Variants in PHLDB3 observed in about 807,000 individuals in gnomAD.
PHLDB3 encodes pleckstrin homology-like domain family B member 3.
PHLDB3 carries 86 observed loss-of-function variants against 85.7 expected under a neutral mutation model. That is an observed-to-expected ratio of 1.00 (90% CI 0.84 to 1.20). The LOEUF (loss-of-function observed/expected upper bound fraction) is 1.20, where lower values mean the gene tolerates loss of function less well. Ranked by LOEUF, PHLDB3 falls within the 50% of genes most tolerant of loss-of-function variation. The pLI, the probability that PHLDB3 is intolerant of heterozygous loss-of-function variation, is 0.00. For missense variants in PHLDB3, 995 were observed against 873.0 expected (o/e 1.14, Z -1.76); for synonymous variants, 376 against 349.8 (o/e 1.07, Z -0.83).
chr19:43,475,277 G>T lies in PHLDB3; in HGVS notation c.*133C>A. 7.9e-7 allele frequency: 1 copy of T among 1,269,972 alleles called. No individual in the cohort carries two copies. The highest frequency in any genetic ancestry group is 1.1e-6 in the Non-Finnish European group (1 of 937,070). 78.7% of individuals were successfully genotyped at this position (1,269,972 alleles called of 1,614,324 possible). The stretch of plus-strand genomic sequence containing the variant: ...CAGCTCAGGCCAGCTGAACTGCCGC[G>T]CCTGCGGAATTCCCGGGAGAGTTCC... On this transcript the variant is annotated 3_prime_UTR_variant, in exon 16 of 16. Coordinates refer to ENST00000292140, the MANE Select transcript of PHLDB3 (RefSeq NM_198850.4).
At position 43,494,753 on chromosome 19, in the gene PHLDB3, G is replaced by T. The variant is rs750885134; in HGVS notation, c.1098C>A (p.Ser366=). ...GGCAGGAAGAAGTAGGGGTGGCAGC[G>T]GAGTGGGCCACGGCATCCTGGAGCA... The part of the protein sequence containing the change: ...LLVLQDAVAH[S]AATPTSSCLF... The change falls in exon 9 of 16, where the codon TCC becomes TCA. Residue 366 remains serine, a synonymous_variant. Coordinates refer to ENST00000292140, the MANE Select transcript of PHLDB3 (RefSeq NM_198850.4). 3 of 1,613,332 alleles carry T rather than the reference G, an allele frequency of 1.9e-6. No homozygotes were observed. Among genetic ancestry groups the T allele is most frequent in the Non-Finnish European group, 2.5e-6 (3 of 1,179,802 alleles).
At chr19:43,483,012 G>T (rs1347147895) in intron 13 of PHLDB3, among the ~76,000 whole-genome samples, 1 of 152,154 alleles carries the variant, frequency 6.6e-6, no homozygotes, top group East Asian at 1.9e-4. Context: ...TCCCCCAAAG[G>T]TGGGGATTGT....
In PHLDB3 at chr19:43,503,930, G is replaced by T; in HGVS notation, c.189C>A (p.Ser63Arg). 1.2e-6 allele frequency: 2 copies of T among 1,613,872 alleles called. No individual in the cohort carries two copies. The highest frequency in any genetic ancestry group is 1.7e-6 in the Non-Finnish European group (2 of 1,179,798). Residue 63 changes from serine (S) to arginine (R), a missense_variant, in exon 2 of 16, where the codon AGC becomes AGA. Transcript: ENST00000292140. ...QAEEEEVGEGSSTESSRDAPE... is the reference protein window; with the variant it reads ...QAEEEEVGEGRSTESSRDAPE... Reference sequence around the variant, plus strand: ...CCGCGTCGCGGCTGCTCTCAGTGCTGCTGCCTTCTCCCACTTCTTCTTCCT... The same window carrying T: ...CCGCGTCGCGGCTGCTCTCAGTGCTTCTGCCTTCTCCCACTTCTTCTTCCT...
In PHLDB3 at chr19:43,475,418, C is replaced by G. The variant is rs764667252; in HGVS notation, c.1915G>C (p.Ala639Pro). ...VIVTAADENH[A>P]P ...CAAGAGGGCGGGGCCACTCAGGGGGCGTGGTTTTCGTCAGCGGCGGTCACG... is the reference window on the plus strand; with the variant it reads ...CAAGAGGGCGGGGCCACTCAGGGGGGGTGGTTTTCGTCAGCGGCGGTCACG... Residue 639 changes from alanine to proline, a missense_variant, in exon 16 of 16, where the codon GCC (alanine) becomes CCC (proline). Physicochemically the swap from Ala to Pro is conservative, Grantham distance 27. Transcript: ENST00000292140. 2 of 1,613,828 alleles carry G rather than the reference C, an allele frequency of 1.2e-6. No individual in the cohort carries two copies. The highest frequency in any genetic ancestry group is 3.3e-5 in the Admixed American group (2 of 60,006).
chr19:43,487,027 T>A lies in PHLDB3; in HGVS notation c.1246A>T (p.Thr416Ser), dbSNP rs756523977. ...TGGGGAACAGGGGGATCCTCACCAGTACAATGGAAGGACAGAGGTCGGGGG... is the reference window on the plus strand; with the variant it reads ...TGGGGAACAGGGGGATCCTCACCAGAACAATGGAAGGACAGAGGTCGGGGG... Reference protein sequence around the residue: ...GSPRPLSFHCTESLEASALPP... With the variant: ...GSPRPLSFHCSESLEASALPP... Residue 416 changes from threonine to serine, a missense_variant, in exon 10 of 16, where the codon ACT becomes TCT. Physicochemically the swap from Thr to Ser is moderately conservative, Grantham distance 58. Coordinates refer to ENST00000292140, the MANE Select transcript of PHLDB3 (RefSeq NM_198850.4). 55 of 1,563,778 alleles carry A rather than the reference T, an allele frequency of 3.5e-5. No individual in the cohort carries two copies. In the Admixed American group the frequency reaches 1.1e-3, roughly 31 times the overall value.
Position 43,497,837 on chromosome 19 carries a change from C to T in PHLDB3, c.574G>A (p.Gly192Ser). The change falls in exon 5 of 16, where the codon GGT (glycine) becomes AGT (serine). Residue 192 changes from glycine (G) to serine (S), a missense_variant. Gly to Ser is a moderately conservative substitution (Grantham distance 56, BLOSUM62 0). Coordinates refer to ENST00000292140, the MANE Select transcript of PHLDB3 (RefSeq NM_198850.4). ...RLSQERDRLE[G>S]LRQRLRKAQG... ...GCCTTGCGGAGTCTCTGGCGAAGAC[C>T]CTCTAGGCGATCCCGTTCCTGGCTC... The T allele has an allele frequency of 6.3e-7, 1 of 1,576,446 alleles. No individual in the cohort carries two copies. The highest frequency in any genetic ancestry group is 8.6e-7 in the Non-Finnish European group (1 of 1,161,570).
At chr19:43,487,592 A>AC in intron 9 of PHLDB3, among the ~76,000 whole-genome samples, 1 of 129,432 alleles carries the variant, frequency 7.7e-6, no homozygotes, top group Admixed American at 7.5e-5. Context: ...AAAAAAAAAA[A>AC]CACAGAAAAG....
Position 43,486,734 on chromosome 19 carries a change from G to A in PHLDB3, c.1341-38C>T, listed in dbSNP as rs370893466. ...AACACAGACGGGGTGGGTTACAGTG[G>A]CTGGGCCTCTTCTTCCATCTCCCCA... On this transcript the variant is annotated intron_variant, in intron 11 of 15. Transcript: ENST00000292140. 14 of 1,612,594 alleles carry A rather than the reference G, an allele frequency of 8.7e-6. No individual in the cohort carries two copies. The East Asian group carries it at 2.9e-4, about 33-fold the overall frequency.
At chr19:43,488,802 CA>C (rs775315269) in intron 9 of PHLDB3, among the ~76,000 whole-genome samples, 11 of 149,684 alleles carry the variant, frequency 7.3e-5, no homozygotes, top group Admixed American at 2.7e-4. Context: ...CTCCATAGAC[CA>C]TTTTTTTTTT....
At chr19:43,494,097 A>C (rs1336366925) in intron 9 of PHLDB3, among the ~76,000 whole-genome samples, 1 of 152,176 alleles carries the variant, frequency 6.6e-6, no homozygotes, top group Non-Finnish European at 1.5e-5. Context: ...CAGTGGCATA[A>C]TCTCGGCTCA....
At chr19:43,481,802 AAAAAGAAAG>A (rs1271561005) in intron 13 of PHLDB3, among the ~76,000 whole-genome samples, 5 of 151,732 alleles carry the variant, frequency 3.3e-5, no homozygotes, top group East Asian at 1.9e-4. Flanking sequence ...TCAAAAAAAA[AAAAAGAAAG>A]AAAAGAAAGA....
At chr19:43,499,966 G>A (rs1971549330) in intron 4 of PHLDB3, among the ~76,000 whole-genome samples, 1 of 152,046 alleles carries the variant, frequency 6.6e-6, no homozygotes, top group African/African-American at 2.4e-5. Context: ...GCCTCGAACT[G>A]CGGTGGCTCA....
rs1030023178 is a variant in PHLDB3 at position 43,502,362 on chromosome 19, A to C, written c.214-79T>G. On this transcript the variant is annotated intron_variant, in intron 2 of 15. Coordinates refer to ENST00000292140, the MANE Select transcript of PHLDB3 (RefSeq NM_198850.4). ...TAAGTAGGTCTGGTCCCCACCCAAC[A>C]TCACCCTCTGCGGGTCTCAGTCCAT... The C allele has an allele frequency of 3.6e-6, 5 of 1,392,130 alleles. No homozygotes were observed. In the African/African-American group the frequency reaches 7.1e-5, roughly 20 times the overall value. The allele number at this position is 1,392,130 out of a possible 1,614,324, so 86.2% of individuals were successfully genotyped here. A position where few individuals can be genotyped will look rare whatever the true frequency, so the allele number is the denominator to read the frequency against.
rs1020440349 is a variant in PHLDB3, at chr19:43,489,684, G to GT, written c.1150-2562dup. On this transcript the variant is annotated intron_variant, in intron 9 of 15. Transcript: ENST00000292140. ...TCCTGAGCCAAGAAAAAAAAAGTTT[G>GT]TTTTTTTTTGTGAATTTTTTGCTAG... Among the ~76,000 whole-genome samples, 165 of 150,398 alleles carry GT rather than the reference G, an allele frequency of 1.1e-3. 1 individual carries two copies. The highest frequency in any genetic ancestry group is 3.0e-3 in the African/African-American group (121 of 40,946).
Position 43,500,219 on chromosome 19 carries a change from A to T in PHLDB3, c.534+1515T>A, listed in dbSNP as rs150324192. 9.0e-3 allele frequency among the ~76,000 whole-genome samples: 1,374 copies of T among 152,188 alleles called. 23 individuals are homozygous for T. Among genetic ancestry groups the T allele is most frequent in the African/African-American group, 0.031 (1,285 of 41,548 alleles). On this transcript the variant is annotated intron_variant, in intron 4 of 15. Transcript: ENST00000292140. The stretch of plus-strand genomic sequence containing the variant: ...ACGCCATTGCACTCCAGCCTGGGCA[A>T]CAAGAGCGAAACTGTGTCTCGCAAA...
Position 43,494,812 on chromosome 19 carries a change from G to A in PHLDB3, c.1039C>T (p.Leu347=). 6.2e-7 allele frequency: 1 copy of A among 1,610,096 alleles called. No homozygotes were observed. The highest frequency in any genetic ancestry group is 8.5e-7 in the Non-Finnish European group (1 of 1,178,364). The change falls in exon 9 of 16, where the codon CTG becomes TTG. Residue 347 remains leucine, a synonymous_variant. Coordinates refer to ENST00000292140, the MANE Select transcript of PHLDB3 (RefSeq NM_198850.4). ...SEPNPALTKL[L]FTQKTDRQLL... ...TGGCGGTCTGTCTTCTGGGTGAACA[G>A]CAGCTGCAAGAGATGGGGTGAAGTT...
chr19:43,495,957 G>A (rs1404239852), intron 6 of PHLDB3: 1 of 208,722 alleles, frequency 4.8e-6, no homozygotes, highest in Non-Finnish European at 9.5e-6. Context: ...CGAAGGAAAA[G>A]CCAGCGGGAG....
At chr19:43,498,481 A>G (rs183098714) in intron 4 of PHLDB3, among the ~76,000 whole-genome samples, 2 of 152,142 alleles carry the variant, frequency 1.3e-5, no homozygotes, top group East Asian at 3.9e-4. Context: ...AGAGAAACAA[A>G]AAGGAAGGAA....
At chr19:43,477,990 G>A in intron 15 of PHLDB3, 57 bp downstream of exon 15, 2 of 1,420,876 alleles carry the variant, frequency 1.4e-6, no homozygotes, top group Non-Finnish European at 2.0e-6. Flanking sequence ...ATGAGATAAG[G>A]CCTGACTCCA....
Sources: allele counts gnomAD v4.1 joint callset (sites outside exome capture counted in the v4.1 genomes callset), GRCh38; gene constraint gnomAD v4.1.1; transcripts MANE v1.5; gene names NCBI Gene and HGNC (gene_info 2026-07-23, HGNC 2026-07-21).